Variants in MAF observed in about 807,000 individuals in gnomAD.
The protein encoded by MAF is transcription factor Maf.
Under a neutral mutation model 22.0 loss-of-function variants are expected in MAF, and 10 were observed. The ratio of observed to expected loss-of-function variants is 0.45; its 90% confidence interval spans 0.28 to 0.77. The LOEUF (loss-of-function observed/expected upper bound fraction) is 0.77. Ranked by LOEUF, MAF falls within the 30% of genes least tolerant of loss-of-function variation. The probability of loss-of-function intolerance (pLI) is 0.12; values close to 1 mark genes in which losing one functional copy is unlikely to be tolerated. For synonymous variants in MAF, 337 were observed against 255.8 expected, an observed-to-expected ratio of 1.32 and a Z score of -3.03; for missense variants, 544 against 548.4, an observed-to-expected ratio of 0.99 and a Z score of 0.08.
chr16:79,313,809 C>T, the MAF span, among the ~76,000 whole-genome samples: 1 of 152,080 alleles, frequency 6.6e-6, no homozygotes, highest in Non-Finnish European at 1.5e-5. Context: ...ATGTCAAGGG[C>T]CCAGGCTTGG....
chr16:79,484,511 T>C, the MAF span, among the ~76,000 whole-genome samples: 2 of 152,188 alleles, frequency 1.3e-5, no homozygotes, highest in Non-Finnish European at 2.9e-5. Context: ...AGGTTCACTT[T>C]TCATAGTCTT....
the MAF span, among the ~76,000 whole-genome samples, chr16:79,415,807 C>T: frequency 1.3e-5 from 2 of 151,876 alleles, no homozygotes; most frequent in African/African-American, 4.8e-5. Flanking sequence ...AATCCCGGAG[C>T]CTCAGCTTCC....
chr16:79,537,914 T>C, the MAF span, among the ~76,000 whole-genome samples: 2 of 152,302 alleles, frequency 1.3e-5, no homozygotes, highest in South Asian at 4.2e-4. Context: ...GCATGTGACA[T>C]GGATACTATT....
the MAF span, among the ~76,000 whole-genome samples, chr16:79,331,889 G>T: frequency 6.6e-6 from 1 of 152,112 alleles, no homozygotes; most frequent in African/African-American, 2.4e-5. Context: ...TCAACAAAGA[G>T]GCCTTCCCTG....
At chr16:79,370,112 A>G in the MAF span, among the ~76,000 whole-genome samples, 2 of 152,200 alleles carry the variant, frequency 1.3e-5, no homozygotes, top group African/African-American at 4.8e-5. Flanking sequence ...TCTCTCCTCT[A>G]AAAGTCTCCT....
At chr16:79,242,644 A>G in the MAF span, among the ~76,000 whole-genome samples, 1 of 151,990 alleles carries the variant, frequency 6.6e-6, no homozygotes, top group Non-Finnish European at 1.5e-5. Context: ...AGACAGATCA[A>G]TGAGACAGAA....
At chr16:79,547,899 T>A in the MAF span, among the ~76,000 whole-genome samples, 97,994 of 136,474 alleles carry the variant, frequency 0.72, 32,740 homozygotes, top group South Asian at 0.79. Flanking sequence ...TGTGTGTGTG[T>A]GTGAGAGAGA....
the MAF span, among the ~76,000 whole-genome samples, chr16:79,255,977 C>CTT: frequency 2.5e-3 from 269 of 107,896 alleles, 3 homozygotes; most frequent in Middle Eastern, 6.0e-3. Context: ...TTTTTCTTTT[C>CTT]TTTTCTTTTT....
At chr16:79,349,443 C>G in the MAF span, among the ~76,000 whole-genome samples, 4 of 152,236 alleles carry the variant, frequency 2.6e-5, no homozygotes, top group African/African-American at 9.6e-5. Flanking sequence ...TACCCCTTCT[C>G]TCTTGTACAT....
At chr16:79,518,267 G>A in the MAF span, among the ~76,000 whole-genome samples, 2 of 152,188 alleles carry the variant, frequency 1.3e-5, no homozygotes, top group Non-Finnish European at 2.9e-5. Context: ...GCCAGTGCAT[G>A]ATACTGGCAA....
At chr16:79,577,174 C>A in the MAF span, among the ~76,000 whole-genome samples, 1 of 152,070 alleles carries the variant, frequency 6.6e-6, no homozygotes, top group Non-Finnish European at 1.5e-5. Flanking sequence ...TGGATCAAGA[C>A]CACTGGCAGC....
chr16:79,409,252 G>A, the MAF span, among the ~76,000 whole-genome samples: 1 of 152,174 alleles, frequency 6.6e-6, no homozygotes, highest in Non-Finnish European at 1.5e-5. Context: ...TGATCTTGGG[G>A]TTCAATAAAT....
the MAF span, among the ~76,000 whole-genome samples, chr16:79,342,768 C>G: frequency 1.3e-5 from 2 of 152,000 alleles, no homozygotes; most frequent in African/African-American, 2.4e-5. Flanking sequence ...ACGTTACTAA[C>G]CCAAAAAATA....
At chr16:79,248,391 A>T in the MAF span, among the ~76,000 whole-genome samples, 1 of 152,170 alleles carries the variant, frequency 6.6e-6, no homozygotes, top group Non-Finnish European at 1.5e-5. Context: ...TTAGCTCTCT[A>T]ATTTCTTACA....
chr16:79,509,640 G>A, the MAF span, among the ~76,000 whole-genome samples: 2 of 152,232 alleles, frequency 1.3e-5, no homozygotes, highest in African/African-American at 4.8e-5. Context: ...ATTGGCCAAG[G>A]CCTGCGTTAC....
At chr16:79,535,614 A>T in the MAF span, among the ~76,000 whole-genome samples, 7 of 123,464 alleles carry the variant, frequency 5.7e-5, no homozygotes, top group South Asian at 1.1e-3. Flanking sequence ...TCCGAGACAG[A>T]GTTTTGCTCT....
chr16:79,403,224 A>G, the MAF span, among the ~76,000 whole-genome samples: 1 of 152,224 alleles, frequency 6.6e-6, no homozygotes, highest in South Asian at 2.1e-4. Flanking sequence ...GCTAAAATGT[A>G]TGCCCATCAA....
chr16:79,306,702 C>A, the MAF span, among the ~76,000 whole-genome samples: 1 of 152,146 alleles, frequency 6.6e-6, no homozygotes, highest in African/African-American at 2.4e-5. Context: ...GGTTCATCAT[C>A]ATCATCATCA....
the MAF span, among the ~76,000 whole-genome samples, chr16:79,228,151 C>T: frequency 6.6e-6 from 1 of 152,112 alleles, no homozygotes; most frequent in Non-Finnish European, 1.5e-5. Flanking sequence ...GATCCTCCTG[C>T]TTCTGCCTCC....
Sources: gnomAD v4.1 joint callset for allele counts (sites outside exome capture counted in the v4.1 genomes callset) on GRCh38, gnomAD v4.1.1 for gene constraint, MANE v1.5 for transcripts, NCBI Gene and HGNC (gene_info 2026-07-23, HGNC 2026-07-21) for gene names.